ATP1A2: variants seen among roughly 807,000 people sequenced by gnomAD.
ATP1A2 encodes sodium/potassium-transporting ATPase subunit alpha-2.
Under a neutral mutation model 113.1 loss-of-function variants are expected in ATP1A2, and 56 were observed. That is an observed-to-expected ratio of 0.49 (90% CI 0.40 to 0.62). ATP1A2 has a LOEUF of 0.62. Among genes scored for constraint, ATP1A2 ranks in the 20% least tolerant of loss-of-function variants. ATP1A2 has a pLI of 0.00. For missense variants in ATP1A2, 712 were observed against 1,357.8 expected (o/e 0.52, Z 7.47); for synonymous variants, 490 against 526.8 (o/e 0.93, Z 0.96).
In ATP1A2 at chr1:160,124,856, G is replaced by A. The variant is rs545721881; in HGVS notation, c.631-280G>A. 3.9e-5 allele frequency among the ~76,000 whole-genome samples: 6 copies of A among 152,268 alleles called. No individual in the cohort carries two copies. The East Asian group carries it at 9.6e-4, about 24-fold the overall frequency. On this transcript the variant is annotated intron_variant, in intron 6 of 22. Coordinates refer to ENST00000361216, the MANE Select transcript of ATP1A2 (RefSeq NM_000702.4). The stretch of plus-strand genomic sequence containing the variant: ...GTGTCTCCCCCTGTGGTTGTGCAAG[G>A]CAGAGATTCTGTTTACATTCACCAT...
At chr1:160,132,699 G>C (rs929277578) in intron 13 of ATP1A2, among the ~76,000 whole-genome samples, 1 of 152,134 alleles carries the variant, frequency 6.6e-6, no homozygotes, top group African/African-American at 2.4e-5. Flanking sequence ...AGCTTAAAGA[G>C]TCTATAAGAT....
chr1:160,141,237 A>G (rs1652138855), intron 22 of ATP1A2, 57 bp from the exon 23 acceptor site: 1 of 1,608,928 alleles, frequency 6.2e-7, no homozygotes, highest in Non-Finnish European at 8.5e-7. Context: ...TAGGAAATTG[A>G]TCTCTTGCCT....
At position 160,139,697 on chromosome 1, in the gene ATP1A2, T is replaced by C. The variant is rs1204728761; in HGVS notation, c.2898T>C (p.Ser966=). The C allele has an allele frequency of 1.2e-6, 2 of 1,614,238 alleles. No individual in the cohort carries two copies. Among genetic ancestry groups the C allele is most frequent in the East Asian group, 2.2e-5 (1 of 44,888 alleles). ...LEETALAAFL[S]YCPGMGVALR... ...AGACGGCGTTGGCTGCCTTTCTCTC[T>C]TACTGCCCAGGCATGGGTGTAGCCC... The change falls in exon 21 of 23, where the codon TCT becomes TCC. Residue 966 remains serine, a synonymous_variant. Transcript: ENST00000361216.
At chr1:160,134,677 G>A in intron 14 of ATP1A2, 57 bp downstream of exon 14, 1 of 1,613,420 alleles carries the variant, frequency 6.2e-7, no homozygotes, top group South Asian at 1.1e-5. Flanking sequence ...TTGCACAGAA[G>A]GCTTGGGTGT....
Position 160,123,291 on chromosome 1 carries a change from G to A in ATP1A2, c.256G>A (p.Glu86Lys). 1.2e-6 allele frequency: 2 copies of A among 1,614,214 alleles called. No individual in the cohort carries two copies. The highest frequency in any genetic ancestry group is 1.7e-6 in the Non-Finnish European group (2 of 1,180,032). Residue 86 changes from glutamate to lysine, a missense_variant, in exon 4 of 23, where the codon GAG becomes AAG. Glu to Lys is a moderately conservative substitution (Grantham distance 56). This residue lies in a region of ATP1A2 where 109 missense variants were observed against 162.3 expected (regional missense o/e 0.67). Transcript: ENST00000361216. ...NALTPPPTTPEWVKFCRQLFG... is the reference protein window; with the variant it reads ...NALTPPPTTPKWVKFCRQLFG... ...CCTCACACCACCTCCCACAACCCCT[G>A]AGTGGGTCAAGTTCTGCCGTCAGCT... is the stretch of plus-strand genomic sequence containing the variant.
chr1:160,128,997 C>G lies in ATP1A2; in HGVS notation c.1234C>G (p.Arg412Gly). ...EDQSGATFDK[R>G]SPTWTALSRI... ...CCTCCCAGGGGCCACTTTTGACAAA[C>G]GATCCCCTACGTGGACGGCCCTGTC... Residue 412 changes from arginine to glycine, a missense_variant, in exon 10 of 23, where the codon CGA becomes GGA. Around this residue, in one of 6 missense-constraint regions of ATP1A2, gnomAD observed 263 missense variants for 380.6 expected, o/e 0.69. Transcript: ENST00000361216. 6.2e-7 allele frequency: 1 copy of G among 1,606,128 alleles called. No homozygotes were observed. The highest frequency in any genetic ancestry group is 8.5e-7 in the Non-Finnish European group (1 of 1,175,758).
rs1651620366 is a variant in ATP1A2 at position 160,127,453 on chromosome 1, C to T, written c.749-99C>T. 2.5e-6 allele frequency: 4 copies of T among 1,569,790 alleles called. No homozygotes were observed. In the South Asian group the frequency reaches 4.5e-5, roughly 18 times the overall value. On this transcript the variant is annotated intron_variant, in intron 7 of 22. Coordinates refer to ENST00000361216, the MANE Select transcript of ATP1A2 (RefSeq NM_000702.4). ...GGCCTCCAGATCTGCGGCTTTGGCT[C>T]ACCTATCCTGTGATGATTTTCCTTG...
Position 160,130,411 on chromosome 1 carries a change from C to T in ATP1A2, c.1652-11C>T. On this transcript the variant is annotated splice_polypyrimidine_tract_variant and intron_variant, in intron 12 of 22. Coordinates refer to ENST00000361216, the MANE Select transcript of ATP1A2 (RefSeq NM_000702.4). ...CTGCGGATCTCACTGATCCCTTCTG[C>T]CCCCCTTTAGGATTCTGTCAACTGA... 2.5e-6 allele frequency: 4 copies of T among 1,614,164 alleles called. No individual in the cohort carries two copies. The highest frequency in any genetic ancestry group is 2.2e-5 in the South Asian group (2 of 91,080).
At chr1:160,116,241 T>C (rs1651176022) in intron 1 of ATP1A2, among the ~76,000 whole-genome samples, 1 of 151,966 alleles carries the variant, frequency 6.6e-6, no homozygotes, top group Non-Finnish European at 1.5e-5. Flanking sequence ...GCACTGTGAG[T>C]CCTCCTGTCT....
At chr1:160,122,726 G>A (rs1651454089) in intron 3 of ATP1A2, among the ~76,000 whole-genome samples, 1 of 152,162 alleles carries the variant, frequency 6.6e-6, no homozygotes, top group Non-Finnish European at 1.5e-5. Flanking sequence ...GGGAGGCTGA[G>A]GTGGAAGGAT....
In ATP1A2 at chr1:160,130,575, A is replaced by C. The variant is rs1558006808; in HGVS notation, c.1805A>C (p.Lys602Thr). 1.2e-6 allele frequency: 2 copies of C among 1,614,178 alleles called. No homozygotes were observed. Among genetic ancestry groups the C allele is most frequent in the Non-Finnish European group, 1.7e-6 (2 of 1,180,020 alleles). The change falls in exon 13 of 23, where the codon AAG (lysine) becomes ACG (threonine). Residue 602 changes from lysine (K) to threonine (T), a missense_variant. Around this residue, in one of 6 missense-constraint regions of ATP1A2, gnomAD observed 263 missense variants for 380.6 expected, o/e 0.69. Transcript: ENST00000361216. ...PRAAVPDAVG[K>T]CRSAGIKVIM... ...GCTGCTGTGCCAGATGCTGTGGGCAAGTGCCGAAGCGCAGGCATCAAGGTA... is the reference window on the plus strand; with the variant it reads ...GCTGCTGTGCCAGATGCTGTGGGCACGTGCCGAAGCGCAGGCATCAAGGTA...
chr1:160,129,419 G>T lies in ATP1A2; in HGVS notation c.1461+19G>T. On this transcript the variant is annotated intron_variant, in intron 11 of 22. Transcript: ENST00000361216. ...GTACCAGGTCTGCTTGGGTTGCCAG[G>T]ACAGAGGAAGAGAGAGGGATATAAA... 6.2e-7 allele frequency: 1 copy of T among 1,610,214 alleles called. No homozygotes were observed.
rs1259879948 is a variant in ATP1A2, at chr1:160,134,601, A to G, written c.1945A>G (p.Met649Val). ...EDIAARLNIP[M>V]SQVNPREAKA... is the part of the protein sequence containing the mutation. ...CATTGCAGCCCGGCTCAACATTCCC[A>G]TGAGTCAAGTCAACCCCAGGTGAGG... Residue 649 changes from methionine (M) to valine (V), a missense_variant, in exon 14 of 23, where the codon ATG (methionine) becomes GTG (valine). Physicochemically the swap from Met to Val is conservative, Grantham distance 21. Around this residue, in one of 6 missense-constraint regions of ATP1A2, gnomAD observed 263 missense variants for 380.6 expected, o/e 0.69. Coordinates refer to ENST00000361216, the MANE Select transcript of ATP1A2 (RefSeq NM_000702.4). The G allele has an allele frequency of 6.2e-7, 1 of 1,614,168 alleles. No individual in the cohort carries two copies. Among genetic ancestry groups the G allele is most frequent in the Non-Finnish European group, 8.5e-7 (1 of 1,180,002 alleles).
At chr1:160,115,912 G>T (rs772016755) in intron 1 of ATP1A2, 39 bp downstream of exon 1, 1 of 1,596,482 alleles carries the variant, frequency 6.3e-7, no homozygotes, top group South Asian at 1.1e-5. Context: ...AGTCTAGAGG[G>T]TGAGGGAGGC....
intron 1 of ATP1A2, among the ~76,000 whole-genome samples, chr1:160,120,034 A>T (rs561613953): frequency 6.6e-6 from 1 of 151,788 alleles, no homozygotes; most frequent in South Asian, 2.1e-4. Context: ...AAAAAAAAAA[A>T]GGCCATCTGA....
chr1:160,127,965 A>G (rs2101988590), intron 8 of ATP1A2, 145 bp downstream of exon 8: 1 of 1,197,882 alleles, frequency 8.3e-7, no homozygotes, highest in Non-Finnish European at 1.1e-6. Flanking sequence ...ATCACTTAAT[A>G]CATGGCTTAG....
intron 11 of ATP1A2, among the ~76,000 whole-genome samples, chr1:160,129,661 C>A (rs560942898): frequency 6.6e-6 from 1 of 152,190 alleles, no homozygotes; most frequent in African/African-American, 2.4e-5. Context: ...TCTGGCCTAG[C>A]CTTCCAACTC....
At chr1:160,137,606 G>T (rs1651997078) in intron 20 of ATP1A2, among the ~76,000 whole-genome samples, 1 of 152,174 alleles carries the variant, frequency 6.6e-6, no homozygotes, top group African/African-American at 2.4e-5. Context: ...GATGGTAAGG[G>T]TTCACCAGAT....
In ATP1A2 at chr1:160,136,903, C is replaced by T; in HGVS notation, c.2712C>T (p.Thr904=). ...DLEDSYGQEW[T]YEQRKVVEFT... ...GTCTCTGCCCACCCTCCCTCCAGAC[C>T]TATGAGCAGCGGAAGGTGGTGGAGT... The change falls in exon 20 of 23, where the codon ACC becomes ACT. Residue 904 remains threonine, a splice_region_variant and synonymous_variant. Coordinates refer to ENST00000361216, the MANE Select transcript of ATP1A2 (RefSeq NM_000702.4). 2 of 1,614,156 alleles carry T rather than the reference C, an allele frequency of 1.2e-6. No individual in the cohort carries two copies. Among genetic ancestry groups the T allele is most frequent in the South Asian group, 1.1e-5 (1 of 91,076 alleles).
Sources: gnomAD v4.1 joint callset for allele counts (sites outside exome capture counted in the v4.1 genomes callset) on GRCh38, gnomAD v4.1.1 for gene constraint, gnomAD v4.1.1 regional missense constraint, MANE v1.5 for transcripts, NCBI Gene and HGNC (gene_info 2026-07-23, HGNC 2026-07-21) for gene names.